ADAMTS20: variants seen among roughly 807,000 people sequenced by gnomAD.
ADAMTS20 encodes the protein ADAM metallopeptidase with thrombospondin type 1 motif 20, also known as A disintegrin and metalloproteinase with thrombospondin motifs 20.
Under a neutral mutation model 260.1 loss-of-function variants are expected in ADAMTS20, and 225 were observed. The observed-to-expected ratio is 0.87, with a 90% confidence interval of 0.78 to 0.97. ADAMTS20 has a LOEUF of 0.97. Ranked by LOEUF, ADAMTS20 falls within the 50% of genes least tolerant of loss-of-function variation. The pLI is 0.00. For missense variants in ADAMTS20, 2,400 were observed against 2,337.7 expected (o/e 1.03, Z -0.55); for synonymous variants, 802 against 769.5 (o/e 1.04, Z -0.70).
In ADAMTS20 at chr12:43,453,927, G is replaced by A; in HGVS notation, c.1740C>T (p.Thr580=). The change falls in exon 12 of 39, where the codon ACC becomes ACT. Residue 580 remains threonine (T), a synonymous_variant. Transcript: ENST00000389420. ...RTCGGGIESA[T]RRCNRPEPRN... is the part of the protein sequence containing the mutation. ...CATACTCAGGACGATTACAGCGCCTGGTTGCACTTTCGATTCCGCCTCCAC... is the reference window on the plus strand; with the variant it reads ...CATACTCAGGACGATTACAGCGCCTAGTTGCACTTTCGATTCCGCCTCCAC... The A allele has an allele frequency of 1.2e-6, 2 of 1,608,096 alleles. No homozygotes were observed. The highest frequency in any genetic ancestry group is 8.5e-7 in the Non-Finnish European group (1 of 1,176,838).
chr12:43,444,840 A>G (rs1248083524), intron 15 of ADAMTS20, among the ~76,000 whole-genome samples: 1 of 152,210 alleles, frequency 6.6e-6, no homozygotes. Flanking sequence ...AAAAGAGCTT[A>G]AATTTACAAC....
intron 2 of ADAMTS20, among the ~76,000 whole-genome samples, chr12:43,541,725 A>C (rs1943378942): frequency 6.6e-6 from 1 of 152,030 alleles, no homozygotes; most frequent in African/African-American, 2.4e-5. Context: ...ACAAGAATTA[A>C]CTCCAGATGC....
rs1399512572 is a variant in ADAMTS20, at chr12:43,474,521, G to T, written c.1118-5816C>A. Among the ~76,000 whole-genome samples the T allele has an allele frequency of 2.1e-4, 26 of 125,158 alleles. 2 individuals are homozygous for T. The highest frequency in any genetic ancestry group is 8.2e-4 in the African/African-American group (26 of 31,834). The allele number at this position is 125,158 out of a possible 152,430, so 82.1% of individuals were successfully genotyped here. A position where few individuals can be genotyped will look rare whatever the true frequency, so the allele number is the denominator to read the frequency against. ...AGCATCATTCTGATACCAAAGCTGG[G>T]CAGAGACACAACCAAAAAAGAGAAT... On this transcript the variant is annotated intron_variant, in intron 7 of 38. Coordinates refer to ENST00000389420, the MANE Select transcript of ADAMTS20 (RefSeq NM_025003.5).
At chr12:43,392,412 C>A (rs1940614808) in intron 29 of ADAMTS20, among the ~76,000 whole-genome samples, 2 of 151,982 alleles carry the variant, frequency 1.3e-5, no homozygotes, top group South Asian at 4.1e-4. Flanking sequence ...AATTATTGGT[C>A]CTTTGATCCT....
intron 8 of ADAMTS20, among the ~76,000 whole-genome samples, chr12:43,467,094 T>G (rs1942168400): frequency 6.6e-6 from 1 of 152,040 alleles, no homozygotes; most frequent in Non-Finnish European, 1.5e-5. Context: ...GCCTGCAGGT[T>G]CAACATGGAT....
intron 29 of ADAMTS20, among the ~76,000 whole-genome samples, chr12:43,396,033 C>T (rs549120004): frequency 2.6e-4 from 40 of 151,884 alleles, no homozygotes; most frequent in Middle Eastern, 6.8e-3. Context: ...AAAAAAAATC[C>T]CCTCGCTTCC....
intron 7 of ADAMTS20, among the ~76,000 whole-genome samples, chr12:43,469,332 A>T (rs1056929212): frequency 6.6e-6 from 1 of 152,168 alleles, no homozygotes. Flanking sequence ...GGATATATTT[A>T]GTTCTATGTA....
intron 7 of ADAMTS20, among the ~76,000 whole-genome samples, chr12:43,482,471 G>A (rs1942456742): frequency 6.6e-6 from 1 of 152,232 alleles, no homozygotes; most frequent in Non-Finnish European, 1.5e-5. Context: ...TGTAAGACTT[G>A]CCTTGCAAGA....
chr12:43,433,714 ACACACACAC>A (rs1941494905), intron 19 of ADAMTS20: 3 of 230,016 alleles, frequency 1.3e-5, no homozygotes, highest in African/African-American at 8.5e-5. Flanking sequence ...ACACACACAC[ACACACACAC>A]ACACACACAC....
intron 28 of ADAMTS20, among the ~76,000 whole-genome samples, chr12:43,405,229 CAAAAAAAAAAAAAAAA>C (rs869040570): frequency 3.2e-4 from 17 of 52,790 alleles, no homozygotes; most frequent in Admixed American, 1.1e-3. Context: ...CTCATCTCTA[CAAAAAAAAAAAAAAAA>C]AAAAAAAAAA....
At chr12:43,363,238 T>C (rs1209270956) in intron 37 of ADAMTS20, among the ~76,000 whole-genome samples, 2 of 152,012 alleles carry the variant, frequency 1.3e-5, no homozygotes, top group East Asian at 3.9e-4. Flanking sequence ...AAGGCTATGG[T>C]TTCTCTTTGA....
Position 43,428,375 on chromosome 12 carries a change from G to T in ADAMTS20, c.3811C>A (p.Pro1271Thr), listed in dbSNP as rs753772439. Residue 1271 changes from proline (P) to threonine (T), a missense_variant, in exon 26 of 39, where the codon CCT (proline) becomes ACT (threonine). Coordinates refer to ENST00000389420, the MANE Select transcript of ADAMTS20 (RefSeq NM_025003.5). ...TAGCTTGGCTGCACAGGGGAACTAGGAAAGTGGCTGTGTGCAGGAGGGCAG... is the reference window on the plus strand; with the variant it reads ...TAGCTTGGCTGCACAGGGGAACTAGTAAAGTGGCTGTGTGCAGGAGGGCAG... ...AACPPAHSHF[P>T]SSPVQPSYYL... 1 of 1,613,864 alleles carries T rather than the reference G, an allele frequency of 6.2e-7. No homozygotes were observed. The highest frequency in any genetic ancestry group is 8.5e-7 in the Non-Finnish European group (1 of 1,179,862).
At chr12:43,528,365 A>AAAAAAAC (rs1943173775) in intron 3 of ADAMTS20, among the ~76,000 whole-genome samples, 2 of 148,414 alleles carry the variant, frequency 1.3e-5, no homozygotes, top group Admixed American at 6.7e-5. Flanking sequence ...AAAAAAAAAA[A>AAAAAAAC]AAAAAAAAAC....
chr12:43,526,072 TAC>T (rs1005406659), intron 3 of ADAMTS20, among the ~76,000 whole-genome samples: 2 of 152,192 alleles, frequency 1.3e-5, no homozygotes, highest in African/African-American at 4.8e-5. Context: ...AACTGCAGAA[TAC>T]ACATTCTTCT....
At chr12:43,506,741 G>A (rs535202731) in intron 3 of ADAMTS20, among the ~76,000 whole-genome samples, 2 of 150,192 alleles carry the variant, frequency 1.3e-5, no homozygotes, top group Admixed American at 1.3e-4. Flanking sequence ...GCCTCCCAAA[G>A]TGTTGGGATT....
At position 43,354,193 on chromosome 12, in the gene ADAMTS20, T is replaced by C; in HGVS notation, c.*16A>G. On this transcript the variant is annotated 3_prime_UTR_variant, in exon 39 of 39. Transcript: ENST00000389420. ...GAATATCCCCTCTTTAGGGCATACT[T>C]CCCCCTTCTAAATGTTCATATGACT... The C allele has an allele frequency of 6.5e-7, 1 of 1,540,454 alleles. No homozygotes were observed. Among genetic ancestry groups the C allele is most frequent in the Non-Finnish European group, 8.9e-7 (1 of 1,129,920 alleles).
intron 28 of ADAMTS20, among the ~76,000 whole-genome samples, chr12:43,409,373 C>T (rs1592053665): frequency 1.3e-5 from 2 of 151,646 alleles, no homozygotes; most frequent in Admixed American, 6.6e-5. Context: ...GAGGCCGAGA[C>T]GGGCGGATCA....
intron 36 of ADAMTS20, among the ~76,000 whole-genome samples, chr12:43,372,077 T>C (rs775612491): frequency 2.0e-5 from 3 of 152,206 alleles, no homozygotes; most frequent in Non-Finnish European, 2.9e-5. Context: ...CATATGAATA[T>C]GCTGAGTAGA....
intron 37 of ADAMTS20, 100 bp downstream of exon 37, chr12:43,369,190 T>C: frequency 1.5e-6 from 1 of 646,152 alleles, no homozygotes; most frequent in African/African-American, 1.9e-5. Context: ...CATTTCTATT[T>C]ACTTATGTTT....
Sources: allele counts gnomAD v4.1 joint callset (sites outside exome capture counted in the v4.1 genomes callset), GRCh38; gene constraint gnomAD v4.1.1; transcripts MANE v1.5; gene names NCBI Gene and HGNC (gene_info 2026-07-23, HGNC 2026-07-21).